The following DNAH10 variants were observed in gnomAD, a reference collection of about 807,000 sequenced individuals.
DNAH10 encodes axonemal beta dynein heavy chain 10.
DNAH10 carries 348 observed loss-of-function variants against 506.6 expected under a neutral mutation model. That is an observed-to-expected ratio of 0.69 (90% CI 0.63 to 0.75). The LOEUF (loss-of-function observed/expected upper bound fraction) is 0.75. DNAH10 is among the 30% of genes least tolerant of loss of function. DNAH10 has a pLI of 0.00. For synonymous variants in DNAH10, 2,059 were observed against 2,198.6 expected, an observed-to-expected ratio of 0.94 and a Z score of 1.78; for missense variants, 5,179 against 5,787.1, an observed-to-expected ratio of 0.89 and a Z score of 3.41.
At chr12:123,802,385 A>C (rs1029873582) in intron 16 of DNAH10, among the ~76,000 whole-genome samples, 4 of 152,158 alleles carry the variant, frequency 2.6e-5, no homozygotes, top group Non-Finnish European at 5.9e-5. Flanking sequence ...AGCTCACTGC[A>C]ATCTCCACCT....
chr12:123,906,918 G>C (rs997237235), intron 57 of DNAH10, among the ~76,000 whole-genome samples: 5 of 152,230 alleles, frequency 3.3e-5, no homozygotes, highest in African/African-American at 1.2e-4. Context: ...ATTAGAAGTA[G>C]ATGTTTCTCT....
In DNAH10 at chr12:123,909,872, C is replaced by T. The variant is rs886509900; in HGVS notation, c.9997+430C>T. 6.6e-5 allele frequency among the ~76,000 whole-genome samples: 10 copies of T among 152,136 alleles called. No individual in the cohort carries two copies. Among genetic ancestry groups the T allele is most frequent in the Non-Finnish European group, 1.3e-4 (9 of 68,010 alleles). ...CTTCTGGAGGTCCCTGGGGAGTGGG[C>T]ATGGGGGTGGGCAGCATCACTGATG... is the stretch of plus-strand genomic sequence containing the variant. On this transcript the variant is annotated intron_variant, in intron 58 of 78. Coordinates refer to ENST00000673944, the MANE Select transcript of DNAH10 (RefSeq NM_001372106.1). This position sits in a 1 kb window ranked among gnomAD's most constrained non-coding sequence, Gnocchi z 5.4.
intron 36 of DNAH10, among the ~76,000 whole-genome samples, chr12:123,855,428 C>T (rs1439924113): frequency 6.6e-6 from 1 of 151,918 alleles, no homozygotes; most frequent in Non-Finnish European, 1.5e-5. Flanking sequence ...TGAGACCAGC[C>T]TAGGCAACAT....
At position 123,797,153 on chromosome 12, in the gene DNAH10, A is replaced by G. The variant is rs532375164; in HGVS notation, c.2163+321A>G. Among the ~76,000 whole-genome samples the G allele has an allele frequency of 3.3e-5, 5 of 152,006 alleles. No homozygotes were observed. The South Asian group carries it at 1.0e-3, about 32-fold the overall frequency. On this transcript the variant is annotated intron_variant, in intron 13 of 78. Coordinates refer to ENST00000673944, the MANE Select transcript of DNAH10 (RefSeq NM_001372106.1). ...CCCAAAGTGCTGGGATTACAGGCGT[A>G]AGCCATAGCACCCGGCCCTGTATTT...
rs762365294 is a variant in DNAH10 at position 123,910,657 on chromosome 12, G to T, written c.10119G>T (p.Lys3373Asn). Residue 3373 changes from lysine to asparagine, a missense_variant, in exon 59 of 79, where the codon AAG (lysine) becomes AAT (asparagine). By Grantham distance (94) the Lys-to-Asn change is moderately conservative (BLOSUM62 0). This residue lies in a region of DNAH10 where 4,844 missense variants were observed against 5,430.5 expected (regional missense o/e 0.89). Coordinates refer to ENST00000673944, the MANE Select transcript of DNAH10 (RefSeq NM_001372106.1). ...MGYCDVFREI[K>N]PKREKVARLE... Reference sequence around the variant, plus strand: ...ACTGTGATGTTTTCAGAGAAATCAAGCCCAAAAGAGAGAAGGTATTGCCCG... The same window carrying T: ...ACTGTGATGTTTTCAGAGAAATCAATCCCAAAAGAGAGAAGGTATTGCCCG... The T allele has an allele frequency of 6.2e-7, 1 of 1,611,076 alleles. No homozygotes were observed. Among genetic ancestry groups the T allele is most frequent in the Non-Finnish European group, 8.5e-7 (1 of 1,179,746 alleles).
At position 123,783,488 on chromosome 12, in the gene DNAH10, A is replaced by C. The variant is rs530546803; in HGVS notation, c.999+224A>C. On this transcript the variant is annotated intron_variant, in intron 7 of 78. Transcript: ENST00000673944. ...ATTGATAAAGATAACACTTTGGATC[A>C]GTCAGGAAGCTTGGGCTGCCAAAAA... Among the ~76,000 whole-genome samples the C allele has an allele frequency of 7.2e-5, 11 of 152,400 alleles. No homozygotes were observed. In the South Asian group the frequency reaches 2.3e-3, roughly 32 times the overall value.
chr12:123,918,540 T>C, intron 64 of DNAH10, 136 bp from the exon 65 acceptor site: 3 of 1,114,356 alleles, frequency 2.7e-6, no homozygotes, highest in Non-Finnish European at 3.6e-6. Context: ...GTGGGTGCCC[T>C]CGCTCCCCTG....
chr12:123,817,575 A>G (rs956710837), intron 21 of DNAH10, among the ~76,000 whole-genome samples: 1 of 151,996 alleles, frequency 6.6e-6, no homozygotes, highest in Admixed American at 6.6e-5. Context: ...AAAATTCTCA[A>G]TTTTTTGTCT....
Position 123,850,817 on chromosome 12 carries a change from G to C in DNAH10, c.6103-71G>C, listed in dbSNP as rs1951128703. ...TGAATCGCCACGCAGCTCGCCGCAG[G>C]CCCCCTTTCCAAGGGGCTGGCCGGC... On this transcript the variant is annotated intron_variant, in intron 34 of 78. Coordinates refer to ENST00000673944, the MANE Select transcript of DNAH10 (RefSeq NM_001372106.1). The surrounding 1 kb of genome is among the most constrained non-coding windows in gnomAD (Gnocchi z 5.5). 1 of 1,479,298 alleles carries C rather than the reference G, an allele frequency of 6.8e-7. No homozygotes were observed. Among genetic ancestry groups the C allele is most frequent in the African/African-American group, 1.4e-5 (1 of 71,290 alleles). 91.6% of individuals were successfully genotyped at this position (1,479,298 alleles called of 1,614,324 possible). A position where few individuals can be genotyped will look rare whatever the true frequency, so the allele number is the denominator to read the frequency against.
At chr12:123,794,527 T>C (rs1187016230) in intron 12 of DNAH10, among the ~76,000 whole-genome samples, 2 of 152,098 alleles carry the variant, frequency 1.3e-5, no homozygotes, top group Non-Finnish European at 2.9e-5. Context: ...GAAGTCAGTA[T>C]CTAGTTGGAG....
intron 1 of DNAH10, among the ~76,000 whole-genome samples, chr12:123,763,118 A>G (rs1306228209): frequency 1.3e-5 from 2 of 152,224 alleles, no homozygotes; most frequent in Non-Finnish European, 2.9e-5. Context: ...TAAGGCTAGG[A>G]CAAAGTTTAA....
At chr12:123,879,177 GTGTC>G (rs60916296) in intron 48 of DNAH10, 83 bp from the exon 49 acceptor site, 1,122,646 of 1,122,708 alleles carry the variant, frequency 1, 561,292 homozygotes, top group African/African-American at 1. Flanking sequence ...TGCGCTCTGT[GTGTC>G]TGTCTGTCTG....
Position 123,799,261 on chromosome 12 carries a change from T to G in DNAH10, c.2179T>G (p.Leu727Val). 6.2e-7 allele frequency: 1 copy of G among 1,607,540 alleles called. No homozygotes were observed. ...TCTTTGATAGGTCAAACAAAAATATTTGGAAGTAGGTAGGACAATGAAGGA... is the reference window on the plus strand; with the variant it reads ...TCTTTGATAGGTCAAACAAAAATATGTGGAAGTAGGTAGGACAATGAAGGA... Reference protein sequence around the residue: ...DRGQEVKQKYLEVGRTMKEYE... With the variant: ...DRGQEVKQKYVEVGRTMKEYE... Residue 727 changes from leucine (L) to valine (V), a missense_variant, in exon 14 of 79, where the codon TTG becomes GTG. Physicochemically the swap from Leu to Val is conservative, Grantham distance 32. Transcript: ENST00000673944.
chr12:123,793,979 C>G lies in DNAH10; in HGVS notation c.1853C>G (p.Ser618Cys). 7.9e-7 allele frequency: 1 copy of G among 1,272,590 alleles called. No individual in the cohort carries two copies. Among genetic ancestry groups the G allele is most frequent in the Non-Finnish European group, 1.0e-6 (1 of 978,278 alleles). 78.8% of individuals were successfully genotyped at this position (1,272,590 alleles called of 1,614,324 possible). The part of the protein sequence containing the change: ...EKEAKHFIDE[S>C]FKTLRSAEAA... ...GAAGCAAAACATTTTATTGATGAAT[C>G]TTTTAAGACGCTTCGATCTGCTGAA... The change falls in exon 12 of 79, where the codon TCT becomes TGT. Residue 618 changes from serine (S) to cysteine (C), a missense_variant. Physicochemically the swap from Ser to Cys is moderately radical, Grantham distance 112. This residue lies in a region of DNAH10 where 4,844 missense variants were observed against 5,430.5 expected (regional missense o/e 0.89). Coordinates refer to ENST00000673944, the MANE Select transcript of DNAH10 (RefSeq NM_001372106.1).
intron 48 of DNAH10, 140 bp downstream of exon 48, chr12:123,878,048 G>A: frequency 8.4e-7 from 1 of 1,197,282 alleles, no homozygotes; most frequent in Non-Finnish European, 1.2e-6. Context: ...TGTTGAAGAA[G>A]AGAGACCAAC....
chr12:123,772,257 G>A (rs771044216), intron 3 of DNAH10, among the ~76,000 whole-genome samples: 31 of 152,182 alleles, frequency 2.0e-4, no homozygotes, highest in Non-Finnish European at 3.5e-4. Flanking sequence ...ACAAAAACAG[G>A]CATTCACCAA....
rs1954537225 is a variant in DNAH10, at chr12:123,917,559, G to A, written c.11003-25G>A. On this transcript the variant is annotated intron_variant, in intron 63 of 78. Coordinates refer to ENST00000673944, the MANE Select transcript of DNAH10 (RefSeq NM_001372106.1). This position sits in a 1 kb window ranked among gnomAD's most constrained non-coding sequence, Gnocchi z 5.6. ...ACTGTTGTTGGGGGCCGCAGGTGGTGAGGGCCTCTCACTGTCCCCCACAGT... is the reference window on the plus strand; with the variant it reads ...ACTGTTGTTGGGGGCCGCAGGTGGTAAGGGCCTCTCACTGTCCCCCACAGT... 6.5e-7 allele frequency: 1 copy of A among 1,547,556 alleles called. No homozygotes were observed. The highest frequency in any genetic ancestry group is 2.0e-5 in the Admixed American group (1 of 50,988).
intron 5 of DNAH10, 130 bp downstream of exon 5, chr12:123,774,394 C>G: frequency 1.6e-6 from 1 of 639,590 alleles, no homozygotes; most frequent in Non-Finnish European, 2.6e-6. Flanking sequence ...GTGCTGAGAC[C>G]AGCTCGGTTG....
At chr12:123,793,858 A>ATT in intron 11 of DNAH10, 84 bp from the exon 12 acceptor site, 18 of 1,022,476 alleles carry the variant, frequency 1.8e-5, no homozygotes, top group South Asian at 8.6e-5. Flanking sequence ...CAAACCACTG[A>ATT]TTTTTTTTTT....
Sources: allele counts gnomAD v4.1 joint callset (sites outside exome capture counted in the v4.1 genomes callset), GRCh38; gene constraint gnomAD v4.1.1; regional missense constraint gnomAD v4.1.1; non-coding constraint Gnocchi (gnomAD v3.1); transcripts MANE v1.5; gene names NCBI Gene and HGNC (gene_info 2026-07-23, HGNC 2026-07-21).